NALF1: variants seen among roughly 807,000 people sequenced by gnomAD.
NALF1 encodes the protein NALCN channel auxiliary factor 1, also known as family with sequence similarity 155 member A.
Under a neutral mutation model 48.4 loss-of-function variants are expected in NALF1, and 3 were observed. That is an observed-to-expected ratio of 0.06 (90% confidence interval 0.03 to 0.16). The LOEUF (loss-of-function observed/expected upper bound fraction) is 0.16, where lower values mean the gene tolerates loss of function less well. NALF1 is among the 10% of genes least tolerant of loss of function. NALF1 has a pLI of 1.00. For synonymous variants in NALF1, 262 were observed against 245.7 expected, an observed-to-expected ratio of 1.07 and a Z score of -0.62; for missense variants, 526 against 571.5, an observed-to-expected ratio of 0.92 and a Z score of 0.81.
intron 1 of NALF1, among the ~76,000 whole-genome samples, chr13:107,739,001 T>G (rs1316496830): frequency 6.6e-6 from 1 of 152,008 alleles, no homozygotes; most frequent in East Asian, 1.9e-4. Context: ...TGAAATTCAG[T>G]TTTATAATCA....
At chr13:107,193,799 A>T (rs2138786715) in intron 2 of NALF1, among the ~76,000 whole-genome samples, 1 of 152,266 alleles carries the variant, frequency 6.6e-6, no homozygotes, top group African/African-American at 2.4e-5. Context: ...CTAAACAGAG[A>T]AGTTAAGACC....
At chr13:107,485,536 T>C (rs1349789474) in intron 1 of NALF1, among the ~76,000 whole-genome samples, 1 of 152,108 alleles carries the variant, frequency 6.6e-6, no homozygotes, top group Non-Finnish European at 1.5e-5. Flanking sequence ...TCATTTACCA[T>C]CAGATATTCA....
chr13:107,650,725 G>GA (rs1880431757), intron 1 of NALF1, among the ~76,000 whole-genome samples: 2 of 151,954 alleles, frequency 1.3e-5, no homozygotes, highest in Admixed American at 6.6e-5. Flanking sequence ...AATAACTTAT[G>GA]AAAAAATAAA....
At chr13:107,214,876 C>A (rs2138809065) in intron 1 of NALF1, among the ~76,000 whole-genome samples, 1 of 152,266 alleles carries the variant, frequency 6.6e-6, no homozygotes, top group Admixed American at 6.5e-5. Flanking sequence ...GCCCTTGAGA[C>A]TTGTTTGGGA....
intron 2 of NALF1, among the ~76,000 whole-genome samples, chr13:107,176,795 G>A (rs1353845334): frequency 6.6e-6 from 1 of 152,008 alleles, no homozygotes; most frequent in East Asian, 1.9e-4. Flanking sequence ...CTACCTAGAG[G>A]AATCAGGCAA....
At chr13:107,464,253 G>A (rs1884964754) in intron 1 of NALF1, among the ~76,000 whole-genome samples, 2 of 151,948 alleles carry the variant, frequency 1.3e-5, no homozygotes, top group South Asian at 4.1e-4. Flanking sequence ...AGTACAGTGA[G>A]TGATATGCAA....
intron 1 of NALF1, among the ~76,000 whole-genome samples, chr13:107,242,408 C>T (rs1294611684): frequency 6.6e-6 from 1 of 152,214 alleles, no homozygotes; most frequent in Admixed American, 6.5e-5. Context: ...AGGCTGTGAC[C>T]TCCAGGAGGA....
chr13:107,269,808 GTT>G (rs1236132613), intron 1 of NALF1, among the ~76,000 whole-genome samples: 2 of 142,552 alleles, frequency 1.4e-5, no homozygotes, highest in African/African-American at 5.2e-5. Flanking sequence ...GAAGAAATAT[GTT>G]TCTTTTTTTT....
At chr13:107,336,967 G>T (rs1324376365) in intron 1 of NALF1, among the ~76,000 whole-genome samples, 1 of 142,108 alleles carries the variant, frequency 7.0e-6, no homozygotes, top group African/African-American at 2.7e-5. Flanking sequence ...AGAAATCTCT[G>T]TTAGAAACCC....
chr13:107,465,296 C>A lies in NALF1; in HGVS notation c.916-254541G>T, dbSNP rs916505499. On this transcript the variant is annotated intron_variant, in intron 1 of 2. Transcript: ENST00000375915. Reference sequence around the variant, plus strand: ...ATTGTCATGTTTTTAATATATACTACGAATCAAACTGTATAATTATATATA... The same window carrying A: ...ATTGTCATGTTTTTAATATATACTAAGAATCAAACTGTATAATTATATATA... 3.1e-5 allele frequency among the ~76,000 whole-genome samples: 4 copies of A among 130,222 alleles called. No homozygotes were observed. The East Asian group carries it at 6.4e-4, about 21-fold the overall frequency. 85.4% of individuals were successfully genotyped at this position (130,222 alleles called of 152,430 possible). A position where few individuals can be genotyped will look rare whatever the true frequency, so the allele number is the denominator to read the frequency against.
intron 1 of NALF1, among the ~76,000 whole-genome samples, chr13:107,540,340 T>C (rs915395852): frequency 1.3e-5 from 2 of 151,580 alleles, no homozygotes; most frequent in African/African-American, 4.9e-5. Flanking sequence ...TTTATTTTAA[T>C]AAACTTGAAT....
chr13:107,761,748 A>G (rs919106846), intron 1 of NALF1, among the ~76,000 whole-genome samples: 3 of 152,226 alleles, frequency 2.0e-5, no homozygotes, highest in African/African-American at 7.2e-5. Flanking sequence ...ACAATATTTC[A>G]TAACAGGACT....
chr13:107,315,193 C>T (rs1013359827), intron 1 of NALF1, among the ~76,000 whole-genome samples: 2 of 151,940 alleles, frequency 1.3e-5, no homozygotes, highest in Non-Finnish European at 2.9e-5. Flanking sequence ...ATTCTACTAC[C>T]TTTCATTTGT....
chr13:107,824,081 T>C (rs1879439813), intron 1 of NALF1, among the ~76,000 whole-genome samples: 1 of 152,200 alleles, frequency 6.6e-6, no homozygotes, highest in Middle Eastern at 3.4e-3. Flanking sequence ...GGTATATGGA[T>C]GGCTTTCAAT....
intron 1 of NALF1, among the ~76,000 whole-genome samples, chr13:107,813,448 A>G (rs1044411885): frequency 2.2e-4 from 33 of 152,180 alleles, no homozygotes; most frequent in Non-Finnish European, 2.9e-4. Flanking sequence ...AAGCTCAAAA[A>G]TAAGTTTTGG....
At chr13:107,527,470 G>GC (rs147063880) in intron 1 of NALF1, among the ~76,000 whole-genome samples, 3,631 of 152,122 alleles carry the variant, frequency 0.024, 137 homozygotes, top group African/African-American at 0.083. Flanking sequence ...ATATGCATGG[G>GC]GCATGCAAGT....
At chr13:107,461,929 C>T (rs1410852478) in intron 1 of NALF1, among the ~76,000 whole-genome samples, 1 of 152,140 alleles carries the variant, frequency 6.6e-6, no homozygotes, top group East Asian at 1.9e-4. Flanking sequence ...TCTCAGCTCC[C>T]AGCCCTTCTC....
chr13:107,865,607 T>C, intron 1 of NALF1, 75 bp downstream of exon 1: 1 of 1,523,494 alleles, frequency 6.6e-7, no homozygotes, highest in Non-Finnish European at 8.8e-7. Context: ...ATAATAATAA[T>C]AAACTTGAGA....
chr13:107,746,099 C>T (rs1487378652), intron 1 of NALF1, among the ~76,000 whole-genome samples: 2 of 152,080 alleles, frequency 1.3e-5, no homozygotes, highest in Non-Finnish European at 2.9e-5. Flanking sequence ...GAAATATTTG[C>T]CAAAGCAAGC....
Sources: gnomAD v4.1 joint callset for allele counts (sites outside exome capture counted in the v4.1 genomes callset) on GRCh38, gnomAD v4.1.1 for gene constraint, MANE v1.5 for transcripts, NCBI Gene and HGNC (gene_info 2026-07-23, HGNC 2026-07-21) for gene names.